Variants in REDIC1 observed in about 807,000 individuals in gnomAD.
REDIC1 encodes regulator of DNA class I crossover intermediates 1, also known as HEI10 Interacting Protein 1.
the REDIC1 span, among the ~76,000 whole-genome samples, chr12:39,876,144 T>C: frequency 2.0e-5 from 3 of 152,292 alleles, no homozygotes; most frequent in Admixed American, 2.0e-4. Flanking sequence ...CAGAGTGAAG[T>C]TGAAAGGTTT....
the REDIC1 span, among the ~76,000 whole-genome samples, chr12:39,655,456 C>A: frequency 6.6e-6 from 1 of 152,152 alleles, no homozygotes; most frequent in African/African-American, 2.4e-5. Flanking sequence ...GAGTAGATAC[C>A]TGAGGCCCTC....
the REDIC1 span, among the ~76,000 whole-genome samples, chr12:39,665,384 G>T: frequency 6.6e-6 from 1 of 152,130 alleles, no homozygotes. Flanking sequence ...GATGGTTGTA[G>T]ATGTGTGGCA....
the REDIC1 span, among the ~76,000 whole-genome samples, chr12:39,792,886 C>T: frequency 2.6e-5 from 4 of 151,570 alleles, no homozygotes; most frequent in East Asian, 7.7e-4. Flanking sequence ...AAATTTCTAT[C>T]AATGTGGGGC....
At chr12:39,738,951 A>G in the REDIC1 span, among the ~76,000 whole-genome samples, 1 of 152,124 alleles carries the variant, frequency 6.6e-6, no homozygotes, top group Non-Finnish European at 1.5e-5. Context: ...CCATATACTA[A>G]GTTTGAGAAA....
chr12:39,794,025 G>A, the REDIC1 span, among the ~76,000 whole-genome samples: 143,577 of 151,158 alleles, frequency 0.95, 68,256 homozygotes, highest in East Asian at 0.99. Context: ...CTACTTTCTT[G>A]TTCTCTGATA....
At chr12:39,877,009 T>C in the REDIC1 span, among the ~76,000 whole-genome samples, 1 of 152,188 alleles carries the variant, frequency 6.6e-6, no homozygotes, top group East Asian at 1.9e-4. Context: ...TAAATATATA[T>C]ATTTTTTGGT....
At chr12:39,711,631 G>C in the REDIC1 span, among the ~76,000 whole-genome samples, 5 of 47,132 alleles carry the variant, frequency 1.1e-4, no homozygotes, top group African/African-American at 2.0e-4. Context: ...ATACACGTAT[G>C]TGTATATGTG....
the REDIC1 span, among the ~76,000 whole-genome samples, chr12:39,701,405 C>T: frequency 2.6e-5 from 4 of 152,182 alleles, no homozygotes; most frequent in African/African-American, 9.7e-5. Flanking sequence ...AATATATATG[C>T]ACCCAATACA....
At chr12:39,733,951 GA>G in the REDIC1 span, among the ~76,000 whole-genome samples, 40 of 151,436 alleles carry the variant, frequency 2.6e-4, no homozygotes, top group Admixed American at 1.5e-3. Flanking sequence ...ACTGGGGTAT[GA>G]AAAAAAAACT....
chr12:39,661,832 G>A, the REDIC1 span, among the ~76,000 whole-genome samples: 1 of 151,998 alleles, frequency 6.6e-6, no homozygotes, highest in Non-Finnish European at 1.5e-5. Context: ...TTTGTATATG[G>A]TGAGAAGTGG....
the REDIC1 span, among the ~76,000 whole-genome samples, chr12:39,764,225 TG>T: frequency 6.6e-5 from 10 of 151,974 alleles, no homozygotes; most frequent in African/African-American, 2.2e-4. Context: ...GGAGAGGGGT[TG>T]GGTGACAGCC....
chr12:39,893,657 G>C, the REDIC1 span, among the ~76,000 whole-genome samples: 2 of 152,120 alleles, frequency 1.3e-5, no homozygotes, highest in Non-Finnish European at 2.9e-5. Context: ...TAAGATAAAA[G>C]TTAAATTCTA....
chr12:39,800,541 A>G, the REDIC1 span, among the ~76,000 whole-genome samples: 2 of 114,034 alleles, frequency 1.8e-5, no homozygotes, highest in East Asian at 2.5e-4. Flanking sequence ...CAAAACCACT[A>G]TGAGATATCA....
At chr12:39,763,430 A>G in the REDIC1 span, among the ~76,000 whole-genome samples, 3 of 152,104 alleles carry the variant, frequency 2.0e-5, no homozygotes, top group Non-Finnish European at 2.9e-5. Context: ...TTATCCATGT[A>G]TTTATTCATT....
chr12:39,782,335 T>C, the REDIC1 span, among the ~76,000 whole-genome samples: 1 of 152,100 alleles, frequency 6.6e-6, no homozygotes. Flanking sequence ...GCTAATTGAA[T>C]CATGGGGGCG....
At chr12:39,733,096 CTT>C in the REDIC1 span, among the ~76,000 whole-genome samples, 1 of 151,420 alleles carries the variant, frequency 6.6e-6, no homozygotes, top group African/African-American at 2.4e-5. Context: ...CACACACACA[CTT>C]ATTTAAAGAT....
chr12:39,682,909 G>C, the REDIC1 span: 72 of 1,612,324 alleles, frequency 4.5e-5, no homozygotes, highest in East Asian at 1.1e-3. Context: ...TAGTATGGGA[G>C]ATACTTGTGT....
the REDIC1 span, chr12:39,758,001 C>T: frequency 2.0e-5 from 3 of 151,766 alleles, no homozygotes; most frequent in Admixed American, 2.0e-4. Context: ...TTTTTCACTT[C>T]AATTTACCTG....
the REDIC1 span, among the ~76,000 whole-genome samples, chr12:39,780,827 A>G: frequency 6.6e-6 from 1 of 152,204 alleles, no homozygotes; most frequent in Non-Finnish European, 1.5e-5. Flanking sequence ...TCATGACAGT[A>G]AGGAACTAAA....
Sources: gnomAD v4.1 joint callset for allele counts (sites outside exome capture counted in the v4.1 genomes callset) on GRCh38, gnomAD v4.1.1 for gene constraint, MANE v1.5 for transcripts, NCBI Gene and HGNC (gene_info 2026-07-23, HGNC 2026-07-21) for gene names.